INPP5B: variants seen among roughly 807,000 people sequenced by gnomAD.
The protein encoded by INPP5B is type II inositol 1,4,5-trisphosphate 5-phosphatase.
Under a neutral mutation model 118.5 loss-of-function variants are expected in INPP5B, and 90 were observed. That is an observed-to-expected ratio of 0.76 (90% CI 0.64 to 0.90). The LOEUF (loss-of-function observed/expected upper bound fraction) is 0.90, where lower values mean the gene tolerates loss of function less well. Ranked by LOEUF, INPP5B falls within the 40% of genes least tolerant of loss-of-function variation. The pLI is 0.00. For synonymous variants in INPP5B, 385 were observed against 418.9 expected (o/e 0.92, Z 0.99); for missense variants, 984 against 1,125.6 (o/e 0.87, Z 1.80).
chr1:37,872,399 C>G (rs1374612568), intron 19 of INPP5B, among the ~76,000 whole-genome samples: 1 of 148,200 alleles, frequency 6.7e-6, no homozygotes, highest in Non-Finnish European at 1.5e-5. Context: ...GAAGTGGAGT[C>G]TTTCTCCACT....
intron 6 of INPP5B, among the ~76,000 whole-genome samples, chr1:37,932,567 C>T (rs753918307): frequency 2.0e-5 from 3 of 152,020 alleles, no homozygotes; most frequent in Non-Finnish European, 4.4e-5. Context: ...CGGGGTTTCA[C>T]CGTATTAGCC....
rs576304386 is a variant in INPP5B, at chr1:37,914,427, G to A, written c.532+17486C>T. Among the ~76,000 whole-genome samples the A allele has an allele frequency of 2.6e-5, 4 of 152,186 alleles. No homozygotes were observed. The East Asian group carries it at 7.7e-4, about 29-fold the overall frequency. On this transcript the variant is annotated intron_variant, in intron 7 of 23. Coordinates refer to ENST00000373024, the MANE Select transcript of INPP5B (RefSeq NM_005540.3). ...TTGGAACAAAACCCAAACCTCTGAGGATTGCATGAAAAGATCTTTATAAAT... is the reference window on the plus strand; with the variant it reads ...TTGGAACAAAACCCAAACCTCTGAGAATTGCATGAAAAGATCTTTATAAAT...
intron 6 of INPP5B, among the ~76,000 whole-genome samples, chr1:37,940,156 C>T (rs1240502340): frequency 6.6e-6 from 1 of 152,214 alleles, no homozygotes. Flanking sequence ...GACTAATCCT[C>T]TGCTCTGTAC....
intron 14 of INPP5B, among the ~76,000 whole-genome samples, chr1:37,882,144 C>T (rs1643242336): frequency 6.6e-6 from 1 of 150,898 alleles, no homozygotes; most frequent in African/African-American, 2.4e-5. Flanking sequence ...AATGACAATA[C>T]TAAGGTTACT....
At chr1:37,864,492 A>G (rs1295069108) in intron 22 of INPP5B, 69 bp from the exon 23 acceptor site, 2 of 921,532 alleles carry the variant, frequency 2.2e-6, no homozygotes, top group African/African-American at 3.3e-5. Context: ...ACTATAGTCC[A>G]AGAACTGTAT....
At chr1:37,888,220 G>A in intron 10 of INPP5B, 23 bp downstream of exon 10, 1 of 1,389,514 alleles carries the variant, frequency 7.2e-7, no homozygotes, top group East Asian at 2.7e-5. Flanking sequence ...AGATGGAGAG[G>A]GGACTAGAAG....
At chr1:37,869,691 A>G (rs1642287930) in intron 19 of INPP5B, among the ~76,000 whole-genome samples, 1 of 150,880 alleles carries the variant, frequency 6.6e-6, no homozygotes. Context: ...CATCTTGGCC[A>G]GGCTGGTCTC....
intron 19 of INPP5B, among the ~76,000 whole-genome samples, chr1:37,868,844 C>A (rs1642216676): frequency 6.6e-6 from 1 of 152,142 alleles, no homozygotes; most frequent in Non-Finnish European, 1.5e-5. Flanking sequence ...CAAATATGCA[C>A]CATCTTTTCA....
At chr1:37,924,271 C>A (rs1279193745) in intron 7 of INPP5B, among the ~76,000 whole-genome samples, 3 of 151,766 alleles carry the variant, frequency 2.0e-5, no homozygotes, top group African/African-American at 7.3e-5. Flanking sequence ...GGGGTTCAAG[C>A]GATTCTCGTA....
intron 6 of INPP5B, among the ~76,000 whole-genome samples, chr1:37,933,898 A>ATTTT (rs1457046106): frequency 1.5e-5 from 2 of 136,800 alleles, no homozygotes; most frequent in East Asian, 4.3e-4. Context: ...TTCAATTTTT[A>ATTTT]TTTTATTTAT....
At chr1:37,931,571 G>A (rs1445196310) in intron 7 of INPP5B, 18 of 1,537,702 alleles carry the variant, frequency 1.2e-5, no homozygotes, top group Non-Finnish European at 1.6e-5. Context: ...TCTTCGCCCC[G>A]AGCGTCCACT....
chr1:37,920,696 G>T (rs1163774717), intron 7 of INPP5B, among the ~76,000 whole-genome samples: 1 of 150,434 alleles, frequency 6.6e-6, no homozygotes. Context: ...GAACAAGAGT[G>T]TAAGAGTCAG....
At chr1:37,918,564 T>C (rs1212487734) in intron 7 of INPP5B, among the ~76,000 whole-genome samples, 8 of 152,212 alleles carry the variant, frequency 5.3e-5, no homozygotes, top group Non-Finnish European at 1.0e-4. Flanking sequence ...TGTCTTCCTG[T>C]CTATATAATG....
intron 7 of INPP5B, among the ~76,000 whole-genome samples, chr1:37,910,843 T>C (rs1217282602): frequency 6.6e-6 from 1 of 152,176 alleles, no homozygotes; most frequent in African/African-American, 2.4e-5. Context: ...CAAAGCCATA[T>C]ATTCTCCCAT....
rs1641662091 is a variant in INPP5B, at chr1:37,860,975, T to G, written c.*1340A>C. ...AAGTAACTGGGACCACAGGCATGCATCACCACACCCAGCTAATTTTTTAAA... is the reference window on the plus strand; with the variant it reads ...AAGTAACTGGGACCACAGGCATGCAGCACCACACCCAGCTAATTTTTTAAA... On this transcript the variant is annotated 3_prime_UTR_variant, in exon 24 of 24. Transcript: ENST00000373024. 6.6e-6 allele frequency: 1 copy of G among 152,216 alleles called. No homozygotes were observed. The highest frequency in any genetic ancestry group is 2.1e-4 in the South Asian group (1 of 4,832). The allele number at this position is 152,216 out of a possible 1,614,324, so 9.4% of individuals were successfully genotyped here.
At chr1:37,945,887 G>A (rs374205362) in intron 2 of INPP5B, 37 bp from the exon 3 acceptor site, 32 of 1,574,530 alleles carry the variant, frequency 2.0e-5, no homozygotes, top group East Asian at 6.7e-5. Flanking sequence ...ACCCAGAGGC[G>A]AGGCCTCTCC....
At chr1:37,920,683 GAA>G (rs1645022018) in intron 7 of INPP5B, among the ~76,000 whole-genome samples, 1 of 150,622 alleles carries the variant, frequency 6.6e-6, no homozygotes, top group Non-Finnish European at 1.5e-5. Context: ...AAAAGAAGAA[GAA>G]GAACAAGAGT....
At chr1:37,927,117 T>C (rs1371475281) in intron 7 of INPP5B, among the ~76,000 whole-genome samples, 2 of 152,066 alleles carry the variant, frequency 1.3e-5, no homozygotes, top group African/African-American at 4.8e-5. Flanking sequence ...TGAAACACCA[T>C]CCCTACTAAA....
intron 5 of INPP5B, 73 bp from the exon 6 acceptor site, chr1:37,940,871 A>C: frequency 1.9e-6 from 2 of 1,043,184 alleles, no homozygotes; most frequent in Non-Finnish European, 2.9e-6. Flanking sequence ...AAGCCTGAGA[A>C]TGGAGAATCA....
Sources: gnomAD v4.1 joint callset for allele counts (sites outside exome capture counted in the v4.1 genomes callset) on GRCh38, gnomAD v4.1.1 for gene constraint, MANE v1.5 for transcripts, NCBI Gene and HGNC (gene_info 2026-07-23, HGNC 2026-07-21) for gene names.